Variants in LMX1B observed in about 807,000 individuals in gnomAD.
LMX1B encodes the protein LIM homeobox transcription factor 1-beta.
Under a neutral mutation model 51.4 loss-of-function variants are expected in LMX1B, and 12 were observed. That is an observed-to-expected ratio of 0.23 (90% CI 0.15 to 0.38). The LOEUF (loss-of-function observed/expected upper bound fraction) is 0.38. Among genes scored for constraint, LMX1B ranks in the 10% least tolerant of loss-of-function variants. The pLI is 1.00. For missense variants in LMX1B, 445 were observed against 571.1 expected (o/e 0.78, Z 2.25); for synonymous variants, 237 against 235.4 (o/e 1.01, Z -0.06).
Position 126,689,754 on chromosome 9 carries a change from T to C in LMX1B, c.327-1082T>C, listed in dbSNP as rs906841407. Among the ~76,000 whole-genome samples, 8 of 152,156 alleles carry C rather than the reference T, an allele frequency of 5.3e-5. No homozygotes were observed. In the East Asian group the frequency reaches 5.8e-4, roughly 11 times the overall value. On this transcript the variant is annotated intron_variant, in intron 2 of 7. Coordinates refer to ENST00000373474, the MANE Select transcript of LMX1B (RefSeq NM_001174147.2). ...GATGGGAGATGGAATCACGTTGTCA[T>C]GTGGAAGCTGGATTAGGCCCAGCCT...
chr9:126,669,820 C>A (rs1292030338), intron 2 of LMX1B, among the ~76,000 whole-genome samples: 1 of 152,122 alleles, frequency 6.6e-6, no homozygotes, highest in South Asian at 2.1e-4. Flanking sequence ...GCCCAAAGTT[C>A]CTCAGGATCT....
At chr9:126,635,749 C>T (rs1464726571) in intron 2 of LMX1B, among the ~76,000 whole-genome samples, 3 of 152,190 alleles carry the variant, frequency 2.0e-5, no homozygotes, top group Admixed American at 6.5e-5. Context: ...TGCTCCGAGG[C>T]CACCCAGCTG....
intron 2 of LMX1B, among the ~76,000 whole-genome samples, chr9:126,646,624 G>A (rs886882390): frequency 2.0e-5 from 3 of 152,208 alleles, no homozygotes; most frequent in Admixed American, 6.5e-5. Context: ...GCCAGGTTGC[G>A]CCCCTGTAAG....
rs529611459 is a variant in LMX1B at position 126,641,634 on chromosome 9, C to T, written c.326+26065C>T. On this transcript the variant is annotated intron_variant, in intron 2 of 7. Transcript: ENST00000373474. This position sits in a 1 kb window ranked among gnomAD's most constrained non-coding sequence, Gnocchi z 4.1. The stretch of plus-strand genomic sequence containing the variant: ...TCTGTTCAGCAGCTCAAGTTTCTGT[C>T]CTTGAGCCAGTCCCTCCGCTGGAAC... 1.3e-5 allele frequency among the ~76,000 whole-genome samples: 2 copies of T among 152,260 alleles called. No homozygotes were observed. The highest frequency in any genetic ancestry group is 4.2e-4 in the South Asian group (2 of 4,816).
chr9:126,660,273 T>C (rs1391575595), intron 2 of LMX1B, among the ~76,000 whole-genome samples: 1 of 151,760 alleles, frequency 6.6e-6, no homozygotes, highest in Non-Finnish European at 1.5e-5. Context: ...GCCTTAGAGA[T>C]TGTCCTGTGT....
At chr9:126,650,455 C>T (rs1480201548) in intron 2 of LMX1B, among the ~76,000 whole-genome samples, 1 of 152,230 alleles carries the variant, frequency 6.6e-6, no homozygotes, top group Non-Finnish European at 1.5e-5. Flanking sequence ...TGATGTGGCC[C>T]TCCCTGGGGA....
intron 2 of LMX1B, among the ~76,000 whole-genome samples, chr9:126,633,329 G>T (rs118025029): frequency 6.6e-6 from 1 of 152,326 alleles, no homozygotes; most frequent in Non-Finnish European, 1.5e-5. Flanking sequence ...TCTGCCCAGG[G>T]TACCTCCAAG....
intron 2 of LMX1B, among the ~76,000 whole-genome samples, chr9:126,679,798 G>A (rs1447868237): frequency 2.0e-5 from 3 of 151,992 alleles, no homozygotes; most frequent in Non-Finnish European, 4.4e-5. Flanking sequence ...CCCAGAATGG[G>A]CTCTCTGCTT....
chr9:126,651,272 G>C (rs1196882653), intron 2 of LMX1B, among the ~76,000 whole-genome samples: 1 of 151,470 alleles, frequency 6.6e-6, no homozygotes, highest in African/African-American at 2.4e-5. Flanking sequence ...TCAGCTGAGT[G>C]GGGGAGGCAC....
At chr9:126,654,700 C>T (rs142675450) in intron 2 of LMX1B, among the ~76,000 whole-genome samples, 48 of 152,328 alleles carry the variant, frequency 3.2e-4, no homozygotes, top group African/African-American at 6.0e-4. Context: ...GAGAAGGAAA[C>T]GAGGAGCAAC....
At position 126,695,405 on chromosome 9, in the gene LMX1B, G is replaced by T. The variant is rs1418217591; in HGVS notation, c.887-434G>T. On this transcript the variant is annotated intron_variant, in intron 6 of 7. Transcript: ENST00000373474. This position sits in a 1 kb window ranked among gnomAD's most constrained non-coding sequence, Gnocchi z 5.2. ...TCCTCCATGCCTTTGCCGCCCCTCA[G>T]CCTGGCTTGCCTCCCCTGCTCTGGC... 6.6e-6 allele frequency among the ~76,000 whole-genome samples: 1 copy of T among 152,184 alleles called. No individual in the cohort carries two copies. Among genetic ancestry groups the T allele is most frequent in the Non-Finnish European group, 1.5e-5 (1 of 68,032 alleles).
At chr9:126,669,785 C>A (rs1354353734) in intron 2 of LMX1B, among the ~76,000 whole-genome samples, 2 of 152,104 alleles carry the variant, frequency 1.3e-5, no homozygotes, top group African/African-American at 4.8e-5. Context: ...GTCTCTAGGG[C>A]AGGGCAGAAA....
intron 2 of LMX1B, among the ~76,000 whole-genome samples, chr9:126,630,310 G>T (rs1288107172): frequency 2.6e-5 from 4 of 152,244 alleles, no homozygotes; most frequent in Non-Finnish European, 5.9e-5. Flanking sequence ...GCCACAACCT[G>T]CCCTTGGAAC....
intron 2 of LMX1B, among the ~76,000 whole-genome samples, chr9:126,672,231 G>A (rs72762522): frequency 0.1 from 15,499 of 152,280 alleles, 863 homozygotes; most frequent in South Asian, 0.18. Context: ...TGTGGAATGG[G>A]ATCATGAGTT....
chr9:126,615,657 CCGCCGGCTCTGT>C lies in LMX1B; in HGVS notation c.326+89_326+100del. The C allele has an allele frequency of 7.8e-7, 1 of 1,278,684 alleles. No homozygotes were observed. The highest frequency in any genetic ancestry group is 1.1e-6 in the Non-Finnish European group (1 of 928,228). The allele number at this position is 1,278,684 out of a possible 1,614,324, so 79.2% of individuals were successfully genotyped here. A position where few individuals can be genotyped will look rare whatever the true frequency, so the allele number is the denominator to read the frequency against. ...CCGGGCCCGGCCCGCGCCCGCTCTG[CCGCCGGCTCTGT>C]GCGCGGCTGGGCCGGGCAGCTCCAA... is the stretch of plus-strand genomic sequence containing the variant. On this transcript the variant is annotated intron_variant, in intron 2 of 7. Coordinates refer to ENST00000373474, the MANE Select transcript of LMX1B (RefSeq NM_001174147.2). The surrounding 1 kb of genome is among the most constrained non-coding windows in gnomAD (Gnocchi z 6.0).
At chr9:126,680,020 G>A (rs1008296123) in intron 2 of LMX1B, among the ~76,000 whole-genome samples, 3 of 152,352 alleles carry the variant, frequency 2.0e-5, no homozygotes, top group East Asian at 3.9e-4. Context: ...TCTGGGCCTG[G>A]CCTATTCTGG....
chr9:126,661,667 C>A, intron 2 of LMX1B, among the ~76,000 whole-genome samples: 1 of 152,156 alleles, frequency 6.6e-6, no homozygotes, highest in East Asian at 1.9e-4. Context: ...GCCCCGCCCA[C>A]CCCTCCCCAC....
rs1261629233 is a variant in LMX1B, at chr9:126,631,085, G to C, written c.326+15516G>C. On this transcript the variant is annotated intron_variant, in intron 2 of 7. Transcript: ENST00000373474. Reference sequence around the variant, plus strand: ...GAGCCAAAGGGGCGGGCAGGGCAGTGGCCCCCCTGTGGGATGTCAGCCTGA... The same window carrying C: ...GAGCCAAAGGGGCGGGCAGGGCAGTCGCCCCCCTGTGGGATGTCAGCCTGA... Among the ~76,000 whole-genome samples, 3 of 152,216 alleles carry C rather than the reference G, an allele frequency of 2.0e-5. No homozygotes were observed. In the East Asian group the frequency reaches 5.8e-4, roughly 29 times the overall value.
intron 7 of LMX1B, 70 bp downstream of exon 7, chr9:126,696,073 G>A: frequency 7.5e-7 from 1 of 1,339,360 alleles, no homozygotes; most frequent in South Asian, 1.4e-5. Flanking sequence ...GGCAGGCCTG[G>A]GGCCAGGACA....
Sources: allele counts gnomAD v4.1 joint callset (sites outside exome capture counted in the v4.1 genomes callset), GRCh38; gene constraint gnomAD v4.1.1; non-coding constraint Gnocchi (gnomAD v3.1); transcripts MANE v1.5; gene names NCBI Gene and HGNC (gene_info 2026-07-23, HGNC 2026-07-21).